The following PCDHGB7 variants were observed in gnomAD, a reference collection of about 807,000 sequenced individuals.
PCDHGB7 encodes protocadherin gamma-B7.
In PCDHGB7, 37 loss-of-function variants were observed where a neutral mutation model predicts 61.4. The observed-to-expected ratio is 0.60, with a 90% CI of 0.46 to 0.79. PCDHGB7 has a LOEUF of 0.79. Among genes scored for constraint, PCDHGB7 ranks in the 30% least tolerant of loss-of-function variants. The pLI, the probability that PCDHGB7 is intolerant of heterozygous loss-of-function variation, is 0.00. For missense variants in PCDHGB7, 1,166 were observed against 1,202.5 expected (o/e 0.97, Z 0.45); for synonymous variants, 464 against 503.5 (o/e 0.92, Z 1.05).
intron 2 of PCDHGB7, among the ~76,000 whole-genome samples, chr5:141,499,800 C>A (rs2099794584): frequency 6.6e-6 from 1 of 150,704 alleles, no homozygotes; most frequent in Admixed American, 6.7e-5. Context: ...AATTCTCATG[C>A]TTCAGCCTCC....
At chr5:141,421,894 C>T (rs764642401) in intron 1 of PCDHGB7, 6 of 1,613,586 alleles carry the variant, frequency 3.7e-6, no homozygotes, top group Non-Finnish European at 4.2e-6. Flanking sequence ...CGATCCCATC[C>T]GAAAGGGCGC....
At chr5:141,504,269 A>T (rs7715517) in intron 2 of PCDHGB7, among the ~76,000 whole-genome samples, 3,100 of 152,246 alleles carry the variant, frequency 0.02, 113 homozygotes, top group African/African-American at 0.07. Context: ...GTATTTTTTT[A>T]AATTATGAAT....
chr5:141,445,075 A>G (rs1251499929), intron 1 of PCDHGB7, among the ~76,000 whole-genome samples: 1 of 152,170 alleles, frequency 6.6e-6, no homozygotes, highest in East Asian at 1.9e-4. Context: ...TTCTCATTAA[A>G]TTGTCCCTAC....
In PCDHGB7 at chr5:141,454,796, ATTTTT is replaced by A. The variant is rs61612330; in HGVS notation, c.2415+34547_2415+34551del. Among the ~76,000 whole-genome samples the A allele has an allele frequency of 4.9e-3, 378 of 77,354 alleles. 2 individuals carry two copies. Among genetic ancestry groups the A allele is most frequent in the Admixed American group, 9.2e-3 (51 of 5,544 alleles). 50.7% of individuals were successfully genotyped at this position (77,354 alleles called of 152,430 possible). On this transcript the variant is annotated intron_variant, in intron 1 of 3. Coordinates refer to ENST00000398594, the MANE Select transcript of PCDHGB7 (RefSeq NM_018927.4). ...AAGGAAATAATCCTCCATGGTTCTA[ATTTTT>A]TTTTTTTTTTTTTTTTTTTTTTTTG...
At position 141,477,868 on chromosome 5, in the gene PCDHGB7, C is replaced by G; in HGVS notation, c.2416-16939C>G. Reference sequence around the variant, plus strand: ...CGGTGGAGATGCTGCCTCGAGGTACCTCAGCTGGCCACCTAGTGTCACGGG... The same window carrying G: ...CGGTGGAGATGCTGCCTCGAGGTACGTCAGCTGGCCACCTAGTGTCACGGG... On this transcript the variant is annotated intron_variant, in intron 1 of 3. Coordinates refer to ENST00000398594, the MANE Select transcript of PCDHGB7 (RefSeq NM_018927.4). The surrounding 1 kb of genome is among the most constrained non-coding windows in gnomAD (Gnocchi z 4.9). 1 of 1,613,750 alleles carries G rather than the reference C, an allele frequency of 6.2e-7. No individual in the cohort carries two copies. Among genetic ancestry groups the G allele is most frequent in the Non-Finnish European group, 8.5e-7 (1 of 1,179,908 alleles).
chr5:141,478,101 T>G, intron 1 of PCDHGB7: 1 of 1,614,018 alleles, frequency 6.2e-7, no homozygotes, highest in Middle Eastern at 1.6e-4. Flanking sequence ...ACTGCTACCC[T>G]CACTGTGTCA....
intron 1 of PCDHGB7, chr5:141,439,852 G>A (rs182049678): frequency 1.3e-5 from 2 of 152,474 alleles, no homozygotes; most frequent in African/African-American, 4.8e-5. Context: ...CTGTGGAAAA[G>A]GTGGGGAATG....
In PCDHGB7 at chr5:141,485,569, T is replaced by C; in HGVS notation, c.2416-9238T>C. The C allele has an allele frequency of 6.2e-7, 1 of 1,612,664 alleles. No individual in the cohort carries two copies. Among genetic ancestry groups the C allele is most frequent in the Non-Finnish European group, 8.5e-7 (1 of 1,178,890 alleles). ...TAGATGTGAATGATCACGCCCCCCG[T>C]TTTCCGCGGCAGCAGCTGGACTTGG... On this transcript the variant is annotated intron_variant, in intron 1 of 3. Coordinates refer to ENST00000398594, the MANE Select transcript of PCDHGB7 (RefSeq NM_018927.4). This position sits in a 1 kb window ranked among gnomAD's most constrained non-coding sequence, Gnocchi z 5.7.
intron 1 of PCDHGB7, chr5:141,421,546 A>C: frequency 6.2e-7 from 1 of 1,614,014 alleles, no homozygotes; most frequent in Non-Finnish European, 8.5e-7. Context: ...TTTTTTAAAT[A>C]TGGAACTTCT....
chr5:141,418,573 C>T lies in PCDHGB7; in HGVS notation c.714C>T (p.Asn238=), dbSNP rs749104686. The T allele has an allele frequency of 6.2e-7, 1 of 1,613,944 alleles. No individual in the cohort carries two copies. The highest frequency in any genetic ancestry group is 8.5e-7 in the Non-Finnish European group (1 of 1,179,870). The change falls in exon 1 of 4, where the codon AAC becomes AAT. Residue 238 remains asparagine, a synonymous_variant. Coordinates refer to ENST00000398594, the MANE Select transcript of PCDHGB7 (RefSeq NM_018927.4). Reference sequence around the variant, plus strand: ...TCCTGGTAATAGATGCCAATGACAACCCCCCAGTGTTCAGCCAGGACGTGT... The same window carrying T: ...TCCTGGTAATAGATGCCAATGACAATCCCCCAGTGTTCAGCCAGGACGTGT... ...IRILVIDAND[N]PPVFSQDVYR...
At chr5:141,448,573 A>AT (rs976781630) in intron 1 of PCDHGB7, among the ~76,000 whole-genome samples, 10 of 151,772 alleles carry the variant, frequency 6.6e-5, no homozygotes, top group East Asian at 5.8e-4. Flanking sequence ...TTATTTCCCC[A>AT]TTTTTTTTAC....
At chr5:141,454,047 T>C (rs896373946) in intron 1 of PCDHGB7, among the ~76,000 whole-genome samples, 6 of 152,122 alleles carry the variant, frequency 3.9e-5, no homozygotes, top group African/African-American at 7.2e-5. Flanking sequence ...AAGATAAAAG[T>C]GCAGCAAAGA....
rs779750859 is a variant in PCDHGB7, at chr5:141,476,273, A to G, written c.2416-18534A>G. On this transcript the variant is annotated intron_variant, in intron 1 of 3. Transcript: ENST00000398594. The surrounding 1 kb of genome is among the most constrained non-coding windows in gnomAD (Gnocchi z 7.6). Reference sequence around the variant, plus strand: ...TTTCGCTGTGGGCAACGTGGTCGCGAACCTTGGTTTGGATCTCGGTAGCCT... The same window carrying G: ...TTTCGCTGTGGGCAACGTGGTCGCGGACCTTGGTTTGGATCTCGGTAGCCT... 6.2e-7 allele frequency: 1 copy of G among 1,613,964 alleles called. No individual in the cohort carries two copies. The highest frequency in any genetic ancestry group is 1.1e-5 in the South Asian group (1 of 91,064).
At chr5:141,469,468 G>A (rs62379200) in intron 1 of PCDHGB7, among the ~76,000 whole-genome samples, 32,669 of 151,998 alleles carry the variant, frequency 0.21, 3,638 homozygotes, top group African/African-American at 0.27. Context: ...TCAGCTACTC[G>A]GGAGGCTGAG....
At position 141,476,379 on chromosome 5, in the gene PCDHGB7, T is replaced by TTCA. The variant is rs768549633; in HGVS notation, c.2416-18428_2416-18427insTCA. 9 of 1,614,126 alleles carry TTCA rather than the reference T, an allele frequency of 5.6e-6. No homozygotes were observed. The East Asian group carries it at 2.0e-4, about 36-fold the overall frequency. ...AACCGGGAGACCGGAGAGATGTTTG[T>TTCA]GAACGACCGTCTGGATCGAGAGGAG... On this transcript the variant is annotated intron_variant, in intron 1 of 3. Transcript: ENST00000398594. This position sits in a 1 kb window ranked among gnomAD's most constrained non-coding sequence, Gnocchi z 7.6.
At chr5:141,443,853 A>G (rs929370798) in intron 1 of PCDHGB7, among the ~76,000 whole-genome samples, 3 of 152,230 alleles carry the variant, frequency 2.0e-5, no homozygotes, top group African/African-American at 7.2e-5. Flanking sequence ...GGAAAGTCTG[A>G]AAACTGAAAA....
rs1394484191 is a variant in PCDHGB7 at position 141,486,006 on chromosome 5, C to T, written c.2416-8801C>T. The T allele has an allele frequency of 6.2e-7, 1 of 1,614,190 alleles. No individual in the cohort carries two copies. Among genetic ancestry groups the T allele is most frequent in the Non-Finnish European group, 8.5e-7 (1 of 1,180,026 alleles). Reference sequence around the variant, plus strand: ...GACCTGGGTCCCAGTGGTAACGTCACCTTTTATTTCAGTGGTCATACCCCT... The same window carrying T: ...GACCTGGGTCCCAGTGGTAACGTCATCTTTTATTTCAGTGGTCATACCCCT... On this transcript the variant is annotated intron_variant, in intron 1 of 3. Coordinates refer to ENST00000398594, the MANE Select transcript of PCDHGB7 (RefSeq NM_018927.4). This position sits in a 1 kb window ranked among gnomAD's most constrained non-coding sequence, Gnocchi z 5.0.
At chr5:141,455,607 G>A (rs2098827849) in intron 1 of PCDHGB7, among the ~76,000 whole-genome samples, 1 of 152,248 alleles carries the variant, frequency 6.6e-6, no homozygotes, top group East Asian at 1.9e-4. Context: ...GGGCGCCATG[G>A]ATGTTCTAAA....
Position 141,487,649 on chromosome 5 carries a change from G to T in PCDHGB7, c.2416-7158G>T. The T allele has an allele frequency of 1.2e-6, 2 of 1,614,020 alleles. No individual in the cohort carries two copies. The highest frequency in any genetic ancestry group is 1.7e-6 in the Non-Finnish European group (2 of 1,179,968). The stretch of plus-strand genomic sequence containing the variant: ...TTTGCAGGCTCAACAAATGCTTGAG[G>T]GTTATTCTGATCCAGGCATATGGCT... On this transcript the variant is annotated intron_variant, in intron 1 of 3. Coordinates refer to ENST00000398594, the MANE Select transcript of PCDHGB7 (RefSeq NM_018927.4). This position sits in a 1 kb window ranked among gnomAD's most constrained non-coding sequence, Gnocchi z 5.0.
Sources: gnomAD v4.1 joint callset for allele counts (sites outside exome capture counted in the v4.1 genomes callset) on GRCh38, gnomAD v4.1.1 for gene constraint, Gnocchi (gnomAD v3.1) non-coding constraint, MANE v1.5 for transcripts, NCBI Gene and HGNC (gene_info 2026-07-23, HGNC 2026-07-21) for gene names.